CCDC88A: variants seen among roughly 807,000 people sequenced by gnomAD.
CCDC88A encodes the protein girdin.
A neutral mutation model predicts 234.3 loss-of-function variants in CCDC88A; 54 were observed. That is an observed-to-expected ratio of 0.23 (90% CI 0.19 to 0.29). CCDC88A has a LOEUF of 0.29. Ranked by LOEUF, CCDC88A falls within the 10% of genes least tolerant of loss-of-function variation. The pLI is 1.00. For synonymous variants in CCDC88A, 753 were observed against 737.8 expected (o/e 1.02, Z -0.33); for missense variants, 1,832 against 2,123.4 (o/e 0.86, Z 2.70).
chr2:55,337,353 A>G (rs1667923457), intron 13 of CCDC88A: 1 of 152,194 alleles, frequency 6.6e-6, no homozygotes, highest in East Asian at 1.9e-4. Flanking sequence ...TTTCTTTTCA[A>G]TTACGCATTT....
chr2:55,340,996 TTC>T (rs1668400097), intron 12 of CCDC88A, among the ~76,000 whole-genome samples: 1 of 152,184 alleles, frequency 6.6e-6, no homozygotes, highest in African/African-American at 2.4e-5. Flanking sequence ...AACCATTTTA[TTC>T]TCTGTTTCTA....
chr2:55,315,058 T>A (rs940071675), intron 22 of CCDC88A: 1 of 152,274 alleles, frequency 6.6e-6, no homozygotes, highest in South Asian at 2.1e-4. Context: ...TGGAATCTTA[T>A]GAAGACCCAC....
chr2:55,321,546 C>T (rs140775468), intron 18 of CCDC88A, among the ~76,000 whole-genome samples: 37 of 149,302 alleles, frequency 2.5e-4, no homozygotes, highest in African/African-American at 7.9e-4. Context: ...AGTGAGACTC[C>T]GTCTCAAAAA....
At position 55,288,667 on chromosome 2, in the gene CCDC88A, T is replaced by G. The variant is rs562628478; in HGVS notation, c.*2533A>C. 5.9e-5 allele frequency: 9 copies of G among 152,730 alleles called. No homozygotes were observed. In the East Asian group the frequency reaches 1.7e-3, roughly 29 times the overall value. The allele number at this position is 152,730 out of a possible 1,614,324, so 9.5% of individuals were successfully genotyped here. On this transcript the variant is annotated 3_prime_UTR_variant, in exon 33 of 33. Transcript: ENST00000436346. Reference sequence around the variant, plus strand: ...AAATTTGGATGAAAGCATTTCCACATGGACAGATCTGAAGCACATTATTGG... The same window carrying G: ...AAATTTGGATGAAAGCATTTCCACAGGGACAGATCTGAAGCACATTATTGG...
intron 3 of CCDC88A, among the ~76,000 whole-genome samples, chr2:55,381,744 A>T (rs746406326): frequency 1.3e-5 from 2 of 152,132 alleles, no homozygotes; most frequent in African/African-American, 4.8e-5. Flanking sequence ...AATTATCCAT[A>T]ATTCTTTCTT....
chr2:55,362,387 T>G lies in CCDC88A; in HGVS notation c.548A>C (p.Gln183Pro), dbSNP rs1413230461. 2.5e-6 allele frequency: 4 copies of G among 1,604,954 alleles called. No individual in the cohort carries two copies. Among genetic ancestry groups the G allele is most frequent in the African/African-American group, 1.3e-5 (1 of 74,316 alleles). The change falls in exon 7 of 33, where the codon CAG (glutamine) becomes CCG (proline). Residue 183 changes from glutamine to proline, a missense_variant. By Grantham distance (76) the Gln-to-Pro change is moderately conservative. This residue lies in a region of CCDC88A where 1,282 missense variants were observed against 1,543.6 expected (regional missense o/e 0.83). Coordinates refer to ENST00000436346, the MANE Select transcript of CCDC88A (RefSeq NM_001365480.1). ...LQWMEVTDMS[Q>P]EDIEPLLKNM... ...TTTCAAGAGTGGTTCTATGTCCTCC[T>G]GCGACATATCAGTCACTTCCATCCA...
At chr2:55,357,108 C>T (rs1670682016) in intron 7 of CCDC88A, among the ~76,000 whole-genome samples, 1 of 152,098 alleles carries the variant, frequency 6.6e-6, no homozygotes, top group South Asian at 2.1e-4. Flanking sequence ...CTAACAATAC[C>T]TCAAAGGTTT....
chr2:55,381,882 T>C (rs2104858534), intron 3 of CCDC88A, among the ~76,000 whole-genome samples: 1 of 152,280 alleles, frequency 6.6e-6, no homozygotes, highest in South Asian at 2.1e-4. Flanking sequence ...TTCAAAGAAT[T>C]CTAAAATACA....
At chr2:55,350,723 G>C (rs1204695020) in intron 8 of CCDC88A, 1 of 152,094 alleles carries the variant, frequency 6.6e-6, no homozygotes, top group Non-Finnish European at 1.5e-5. Context: ...GCAGTGGCAT[G>C]ATCACAGCTC....
At chr2:55,408,121 G>A (rs1480666748) in intron 2 of CCDC88A, among the ~76,000 whole-genome samples, 2 of 151,476 alleles carry the variant, frequency 1.3e-5, no homozygotes, top group Non-Finnish European at 2.9e-5. Flanking sequence ...TCCACTTTAC[G>A]TATCTTCATT....
intron 18 of CCDC88A, among the ~76,000 whole-genome samples, chr2:55,321,839 G>A (rs1013477668): frequency 1.3e-5 from 2 of 151,654 alleles, no homozygotes; most frequent in African/African-American, 4.8e-5. Flanking sequence ...CTTTTTGAAT[G>A]AGAAAGTAGA....
chr2:55,294,841 G>A (rs1414436726), intron 31 of CCDC88A: 2 of 1,043,918 alleles, frequency 1.9e-6, no homozygotes, highest in Non-Finnish European at 2.3e-6. Flanking sequence ...TTAAAGGCAT[G>A]CAGAAAATGG....
intron 6 of CCDC88A, among the ~76,000 whole-genome samples, chr2:55,363,125 G>A (rs541657652): frequency 1.3e-5 from 2 of 152,004 alleles, no homozygotes; most frequent in South Asian, 4.1e-4. Context: ...AAGCAAGTAT[G>A]TCTCTATAAT....
chr2:55,337,166 T>C (rs1489405282), intron 13 of CCDC88A: 4 of 170,164 alleles, frequency 2.4e-5, no homozygotes, highest in South Asian at 1.6e-4. Context: ...AAAATTTTAC[T>C]TATACTCAGA....
At chr2:55,295,565 A>C in intron 31 of CCDC88A, 32 bp downstream of exon 31, 1 of 1,614,180 alleles carries the variant, frequency 6.2e-7, no homozygotes, top group Non-Finnish European at 8.5e-7. Flanking sequence ...TGTCAAGTAT[A>C]TGAGAGGACC....
At position 55,290,718 on chromosome 2, in the gene CCDC88A, A is replaced by G. The variant is rs1679385507; in HGVS notation, c.*482T>C. ...TTCTCTGTATCTTGCTATATAGTACATTCCACAAAATACTACAGCATTTAA... is the reference window on the plus strand; with the variant it reads ...TTCTCTGTATCTTGCTATATAGTACGTTCCACAAAATACTACAGCATTTAA... On this transcript the variant is annotated 3_prime_UTR_variant, in exon 33 of 33. Coordinates refer to ENST00000436346, the MANE Select transcript of CCDC88A (RefSeq NM_001365480.1). 1 of 152,566 alleles carries G rather than the reference A, an allele frequency of 6.6e-6. No individual in the cohort carries two copies. Among genetic ancestry groups the G allele is most frequent in the African/African-American group, 2.4e-5 (1 of 41,452 alleles). 9.5% of individuals were successfully genotyped at this position (152,566 alleles called of 1,614,324 possible).
chr2:55,321,390 A>G (rs150968109), intron 18 of CCDC88A, among the ~76,000 whole-genome samples: 1 of 152,150 alleles, frequency 6.6e-6, no homozygotes, highest in African/African-American at 2.4e-5. Flanking sequence ...TCTCTACTAA[A>G]AATACAAAAA....
At chr2:55,347,606 C>CTTT (rs547733323) in intron 9 of CCDC88A, among the ~76,000 whole-genome samples, 10 of 102,150 alleles carry the variant, frequency 9.8e-5, no homozygotes, top group East Asian at 4.8e-4. Context: ...ATTCATCTAC[C>CTTT]TTTTTTTTTT....
intron 2 of CCDC88A, among the ~76,000 whole-genome samples, chr2:55,411,149 C>T (rs1240272504): frequency 6.6e-6 from 1 of 152,060 alleles, no homozygotes; most frequent in Admixed American, 6.6e-5. Context: ...AGTATAATCT[C>T]AAATACTATT....
Sources: allele counts gnomAD v4.1 joint callset (sites outside exome capture counted in the v4.1 genomes callset), GRCh38; gene constraint gnomAD v4.1.1; regional missense constraint gnomAD v4.1.1; transcripts MANE v1.5; gene names NCBI Gene and HGNC (gene_info 2026-07-23, HGNC 2026-07-21).